Variants in GALNT17 observed in about 807,000 individuals in gnomAD.
GALNT17 encodes UDP-GalNAc:polypeptide N-acetylgalactosaminyltransferase-like 3.
GALNT17 carries 29 observed loss-of-function variants against 63.7 expected under a neutral mutation model. The ratio of observed to expected loss-of-function variants is 0.46; its 90% CI spans 0.34 to 0.62. The LOEUF (loss-of-function observed/expected upper bound fraction) is 0.62, where lower values mean the gene tolerates loss of function less well. GALNT17 is among the 20% of genes least tolerant of loss of function. GALNT17 has a pLI of 0.01. For synonymous variants in GALNT17, 305 were observed against 318.3 expected (o/e 0.96, Z 0.45); for missense variants, 603 against 799.6 (o/e 0.75, Z 2.97).
chr7:71,144,449 T>A (rs1787977234), intron 1 of GALNT17, among the ~76,000 whole-genome samples: 1 of 152,176 alleles, frequency 6.6e-6, no homozygotes, highest in Non-Finnish European at 1.5e-5. Context: ...AGTGAGCTCT[T>A]CCTTGCTGCA....
chr7:71,539,640 T>G (rs1256236606), intron 5 of GALNT17, among the ~76,000 whole-genome samples: 1 of 152,058 alleles, frequency 6.6e-6, no homozygotes, highest in Non-Finnish European at 1.5e-5. Context: ...TTCTGTAACT[T>G]GTTTTTTTCA....
At chr7:71,216,125 T>G (rs895797639) in intron 1 of GALNT17, among the ~76,000 whole-genome samples, 4 of 151,886 alleles carry the variant, frequency 2.6e-5, no homozygotes, top group Admixed American at 2.6e-4. Flanking sequence ...GCTGAGGTGG[T>G]AGGATTACTT....
chr7:71,339,056 T>C (rs1791962603), intron 2 of GALNT17, among the ~76,000 whole-genome samples: 1 of 152,204 alleles, frequency 6.6e-6, no homozygotes, highest in Non-Finnish European at 1.5e-5. Flanking sequence ...GCCTTTCTTA[T>C]TAGGACATTG....
At chr7:71,207,577 A>G (rs1237514916) in intron 1 of GALNT17, among the ~76,000 whole-genome samples, 2 of 147,054 alleles carry the variant, frequency 1.4e-5, no homozygotes, top group African/African-American at 4.9e-5. Context: ...GGGTTGGGGT[A>G]GGGAGGTAGG....
chr7:71,614,335 T>C (rs933464333), intron 6 of GALNT17, among the ~76,000 whole-genome samples: 1 of 151,880 alleles, frequency 6.6e-6, no homozygotes, highest in African/African-American at 2.4e-5. Context: ...GGATTTCAGA[T>C]TTCCAAATTA....
chr7:71,642,976 G>A (rs1253520081), intron 6 of GALNT17, among the ~76,000 whole-genome samples: 1 of 152,182 alleles, frequency 6.6e-6, no homozygotes, highest in Non-Finnish European at 1.5e-5. Flanking sequence ...ACCCCCAGGT[G>A]TTCCTCATAA....
chr7:71,567,593 T>A (rs1448458261), intron 5 of GALNT17, among the ~76,000 whole-genome samples: 1 of 152,208 alleles, frequency 6.6e-6, no homozygotes, highest in Non-Finnish European at 1.5e-5. Context: ...GCCTCCTCAA[T>A]AGCTGGGGTT....
intron 5 of GALNT17, among the ~76,000 whole-genome samples, chr7:71,558,183 T>C (rs1789196103): frequency 6.6e-6 from 1 of 152,242 alleles, no homozygotes; most frequent in Non-Finnish European, 1.5e-5. Context: ...TGGTGAAATT[T>C]TTCTCTGATT....
At chr7:71,673,337 G>A (rs544336716) in intron 8 of GALNT17, among the ~76,000 whole-genome samples, 3 of 152,186 alleles carry the variant, frequency 2.0e-5, no homozygotes, top group African/African-American at 7.2e-5. Context: ...ATATTTTATA[G>A]CTGTTATAAA....
chr7:71,482,785 G>A (rs1383663932), intron 5 of GALNT17, among the ~76,000 whole-genome samples: 1 of 152,102 alleles, frequency 6.6e-6, no homozygotes, highest in Non-Finnish European at 1.5e-5. Context: ...GGGAAGGGTG[G>A]GGAGGTGTCA....
chr7:71,221,920 T>G (rs1789592507), intron 1 of GALNT17, among the ~76,000 whole-genome samples: 2 of 150,532 alleles, frequency 1.3e-5, no homozygotes, highest in African/African-American at 4.9e-5. Context: ...TTTTTTTTTT[T>G]TTTTTTTTTT....
At chr7:71,458,804 TC>T (rs1169358855) in intron 5 of GALNT17, among the ~76,000 whole-genome samples, 1 of 152,120 alleles carries the variant, frequency 6.6e-6, no homozygotes, top group Non-Finnish European at 1.5e-5. Flanking sequence ...CTCCTTCTTT[TC>T]TCTCATTCTC....
At chr7:71,609,437 G>T (rs972843046) in intron 6 of GALNT17, among the ~76,000 whole-genome samples, 1 of 152,196 alleles carries the variant, frequency 6.6e-6, no homozygotes, top group East Asian at 1.9e-4. Flanking sequence ...AATGGGAGTT[G>T]CAACAAGAAA....
At chr7:71,215,877 T>C (rs1789467656) in intron 1 of GALNT17, among the ~76,000 whole-genome samples, 1 of 152,176 alleles carries the variant, frequency 6.6e-6, no homozygotes, top group Admixed American at 6.5e-5. Flanking sequence ...GTCATACGTA[T>C]TGATATTTTG....
chr7:71,434,383 G>T (rs1253482292), intron 5 of GALNT17, among the ~76,000 whole-genome samples: 1 of 152,176 alleles, frequency 6.6e-6, no homozygotes, highest in Admixed American at 6.5e-5. Flanking sequence ...ACCTCCCTGG[G>T]CCTGGTAGAG....
chr7:71,573,865 TC>T (rs746989866), intron 6 of GALNT17, among the ~76,000 whole-genome samples: 2 of 152,120 alleles, frequency 1.3e-5, no homozygotes, highest in African/African-American at 2.4e-5. Flanking sequence ...TGTCTGTGGT[TC>T]CCTTCTTTGT....
intron 1 of GALNT17, among the ~76,000 whole-genome samples, chr7:71,286,817 TCA>T (rs1790883542): frequency 6.6e-6 from 1 of 151,934 alleles, no homozygotes; most frequent in Non-Finnish European, 1.5e-5. Flanking sequence ...AGACAGGGTC[TCA>T]CTCTTTGGCC....
chr7:71,301,685 C>T (rs559302818), intron 1 of GALNT17, among the ~76,000 whole-genome samples: 17 of 151,722 alleles, frequency 1.1e-4, no homozygotes, highest in South Asian at 4.2e-4. Flanking sequence ...CACAAGTGTG[C>T]GCAGTATTGG....
At chr7:71,522,256 C>T (rs1006277816) in intron 5 of GALNT17, among the ~76,000 whole-genome samples, 1 of 152,180 alleles carries the variant, frequency 6.6e-6, no homozygotes, top group Non-Finnish European at 1.5e-5. Context: ...GTTGGCCCTT[C>T]CTGAGAAGGT....
Sources: gnomAD v4.1 joint callset for allele counts (sites outside exome capture counted in the v4.1 genomes callset) on GRCh38, gnomAD v4.1.1 for gene constraint, MANE v1.5 for transcripts, NCBI Gene and HGNC (gene_info 2026-07-23, HGNC 2026-07-21) for gene names.